Variants in WDR7 observed in about 807,000 individuals in gnomAD.
The protein encoded by WDR7 is WD repeat-containing protein 7.
WDR7 carries 46 observed loss-of-function variants against 169.4 expected under a neutral mutation model. The observed-to-expected ratio is 0.27, with a 90% CI of 0.21 to 0.35. The LOEUF (loss-of-function observed/expected upper bound fraction) is 0.35. WDR7 is among the 10% of genes least tolerant of loss of function. The pLI, the probability that WDR7 is intolerant of heterozygous loss-of-function variation, is 1.00. For synonymous variants in WDR7, 612 were observed against 666.8 expected (o/e 0.92, Z 1.27); for missense variants, 1,534 against 1,859.3 (o/e 0.83, Z 3.22).
rs909423091 is a variant in WDR7 at position 56,720,322 on chromosome 18, T to C, written c.1774+2163T>C. 2.0e-5 allele frequency among the ~76,000 whole-genome samples: 3 copies of C among 151,234 alleles called. No homozygotes were observed. In the East Asian group the frequency reaches 5.8e-4, roughly 29 times the overall value. On this transcript the variant is annotated intron_variant, in intron 13 of 27. Transcript: ENST00000254442. ...AAAATTAGCTGGGTGTGGGGGCACA[T>C]GCCTGTGTCCCATCCACTCAGGTGG...
At chr18:56,731,794 C>G (rs2026593626) in intron 14 of WDR7, among the ~76,000 whole-genome samples, 197 bp downstream of exon 14, 1 of 152,050 alleles carries the variant, frequency 6.6e-6, no homozygotes. Context: ...ATTATTCTTA[C>G]CATTCAAATA....
At chr18:56,803,524 G>C (rs540701899) in intron 19 of WDR7, among the ~76,000 whole-genome samples, 6 of 152,020 alleles carry the variant, frequency 3.9e-5, no homozygotes, top group Admixed American at 6.6e-5. Flanking sequence ...AACATGTATC[G>C]TAAGACGTCT....
intron 20 of WDR7, among the ~76,000 whole-genome samples, chr18:56,865,014 T>C (rs1309714947): frequency 3.3e-5 from 5 of 152,018 alleles, no homozygotes; most frequent in Non-Finnish European, 7.4e-5. Flanking sequence ...TTTTTACTAA[T>C]CATTTGTATC....
chr18:56,673,091 C>G (rs2025169910), intron 2 of WDR7, among the ~76,000 whole-genome samples: 1 of 151,992 alleles, frequency 6.6e-6, no homozygotes, highest in African/African-American at 2.4e-5. Flanking sequence ...TTCCTTACTA[C>G]TATGGATTGC....
At chr18:57,017,850 T>TA (rs542807708) in intron 26 of WDR7, among the ~76,000 whole-genome samples, 76 of 152,294 alleles carry the variant, frequency 5.0e-4, no homozygotes, top group South Asian at 1.0e-3. Flanking sequence ...GAGAGACACT[T>TA]AAATAACAAT....
intron 12 of WDR7, among the ~76,000 whole-genome samples, chr18:56,704,496 G>A (rs966110321): frequency 6.6e-6 from 1 of 152,110 alleles, no homozygotes; most frequent in African/African-American, 2.4e-5. Flanking sequence ...GCATGATTGC[G>A]CCATTACACT....
chr18:56,810,343 C>CA (rs1444730188), intron 19 of WDR7, among the ~76,000 whole-genome samples: 1 of 151,970 alleles, frequency 6.6e-6, no homozygotes, highest in Non-Finnish European at 1.5e-5. Context: ...TACTGTCTTC[C>CA]AAAAAGGTTA....
At chr18:56,725,566 T>C (rs1301993890) in intron 13 of WDR7, among the ~76,000 whole-genome samples, 1 of 152,230 alleles carries the variant, frequency 6.6e-6, no homozygotes, top group East Asian at 1.9e-4. Flanking sequence ...CTTTGTCAGA[T>C]GAGTAGATTG....
At chr18:56,900,107 TATAA>T (rs1488782507) in intron 21 of WDR7, among the ~76,000 whole-genome samples, 40 of 148,280 alleles carry the variant, frequency 2.7e-4, no homozygotes, top group East Asian at 5.9e-4. Context: ...TATATATATA[TATAA>T]AATTGTTAAT....
chr18:56,727,885 C>G (rs1200423524), intron 13 of WDR7, among the ~76,000 whole-genome samples: 4 of 152,096 alleles, frequency 2.6e-5, no homozygotes, highest in Non-Finnish European at 5.9e-5. Flanking sequence ...CCAACTTTTC[C>G]AGTTGTTCCA....
intron 16 of WDR7, among the ~76,000 whole-genome samples, chr18:56,761,257 A>G (rs951646658): frequency 6.6e-6 from 1 of 152,096 alleles, no homozygotes; most frequent in Non-Finnish European, 1.5e-5. Context: ...CAATTCACCC[A>G]CTTTGGCCTC....
At chr18:56,652,906 G>C (rs1252146585) in intron 1 of WDR7, among the ~76,000 whole-genome samples, 2 of 151,962 alleles carry the variant, frequency 1.3e-5, no homozygotes, top group Non-Finnish European at 2.9e-5. Flanking sequence ...TAAATTTTAG[G>C]GGTAGTGACC....
chr18:56,988,768 A>G (rs967581672), intron 26 of WDR7, among the ~76,000 whole-genome samples: 3 of 152,162 alleles, frequency 2.0e-5, no homozygotes, highest in African/African-American at 7.2e-5. Flanking sequence ...TGGAAGTTCT[A>G]TAGGGAATAT....
At chr18:56,830,568 T>C (rs143139619) in intron 20 of WDR7, among the ~76,000 whole-genome samples, 223 of 152,336 alleles carry the variant, frequency 1.5e-3, no homozygotes, top group African/African-American at 5.0e-3. Flanking sequence ...GTGCTACCTC[T>C]AGATCACCTC....
rs113320019 is a variant in WDR7, at chr18:56,833,598, T to C, written c.3304+17454T>C. 2.3e-3 allele frequency among the ~76,000 whole-genome samples: 357 copies of C among 152,324 alleles called. 3 individuals carry two copies. The highest frequency in any genetic ancestry group is 8.3e-3 in the African/African-American group (346 of 41,562). On this transcript the variant is annotated intron_variant, in intron 20 of 27. Coordinates refer to ENST00000254442, the MANE Select transcript of WDR7 (RefSeq NM_015285.3). ...GTCTGCGTTACAAACGTCAGTTAAATTGTTGTATAAGTGGGTTTTTATGAA... is the reference window on the plus strand; with the variant it reads ...GTCTGCGTTACAAACGTCAGTTAAACTGTTGTATAAGTGGGTTTTTATGAA...
At chr18:56,671,312 G>A (rs1379834722) in intron 1 of WDR7, among the ~76,000 whole-genome samples, 5 of 134,176 alleles carry the variant, frequency 3.7e-5, no homozygotes, top group South Asian at 2.4e-4. Flanking sequence ...TTTTTTTTGA[G>A]ACAAAGTTTC....
rs1486389568 is a variant in WDR7, at chr18:56,885,551, G to A, written c.3526+5386G>A. Among the ~76,000 whole-genome samples the A allele has an allele frequency of 5.3e-5, 8 of 152,012 alleles. No individual in the cohort carries two copies. In the South Asian group the frequency reaches 8.3e-4, roughly 16 times the overall value. On this transcript the variant is annotated intron_variant, in intron 21 of 27. Coordinates refer to ENST00000254442, the MANE Select transcript of WDR7 (RefSeq NM_015285.3). ...AAAGAACTTCAGAACTCAGCTGGGC[G>A]CGGTGGCTCATGCCTGTAATCCCAG... is the stretch of plus-strand genomic sequence containing the variant.
At chr18:56,836,344 A>G (rs1276647267) in intron 20 of WDR7, among the ~76,000 whole-genome samples, 1 of 152,124 alleles carries the variant, frequency 6.6e-6, no homozygotes, top group African/African-American at 2.4e-5. Context: ...GTTGCTGACA[A>G]TGTAGGGCCT....
intron 20 of WDR7, among the ~76,000 whole-genome samples, chr18:56,863,157 G>C (rs2045832472): frequency 6.6e-6 from 1 of 151,402 alleles, no homozygotes; most frequent in Admixed American, 6.6e-5. Context: ...TCATAACATA[G>C]TTGTTTAGTA....
Sources: allele counts gnomAD v4.1 joint callset (sites outside exome capture counted in the v4.1 genomes callset), GRCh38; gene constraint gnomAD v4.1.1; transcripts MANE v1.5; gene names NCBI Gene and HGNC (gene_info 2026-07-23, HGNC 2026-07-21).